C1QBP: variants seen among roughly 807,000 people sequenced by gnomAD.
C1QBP encodes complement C1q binding protein.
A neutral mutation model predicts 29.4 loss-of-function variants in C1QBP; 24 were observed. The ratio of observed to expected loss-of-function variants is 0.82; its 90% CI spans 0.59 to 1.15. The LOEUF (loss-of-function observed/expected upper bound fraction) is 1.15. C1QBP is among the 50% of genes most tolerant of loss of function. The probability of loss-of-function intolerance (pLI) is 0.00; values close to 1 mark genes in which losing one functional copy is unlikely to be tolerated. For missense variants in C1QBP, 337 were observed against 355.8 expected (o/e 0.95, Z 0.43); for synonymous variants, 182 against 149.2 (o/e 1.22, Z -1.60).
chr17:5,436,149 A>G (rs2151677281), intron 2 of C1QBP, among the ~76,000 whole-genome samples: 1 of 151,018 alleles, frequency 6.6e-6, no homozygotes, highest in East Asian at 1.9e-4. Flanking sequence ...AGGCAGTCTG[A>G]GGTTGACAAA....
At chr17:5,437,903 C>G (rs750409315) in intron 2 of C1QBP, among the ~76,000 whole-genome samples, 1 of 152,204 alleles carries the variant, frequency 6.6e-6, no homozygotes, top group African/African-American at 2.4e-5. Context: ...CTTTTTTGCA[C>G]TACATTTTTG....
chr17:5,437,009 T>C (rs1270624517), intron 2 of C1QBP, among the ~76,000 whole-genome samples: 1 of 151,452 alleles, frequency 6.6e-6, no homozygotes, highest in African/African-American at 2.4e-5. Context: ...TCCGTGGGGT[T>C]GGGGGGGGAA....
intron 3 of C1QBP, chr17:5,434,020 A>G: frequency 1.9e-6 from 1 of 526,034 alleles, no homozygotes; most frequent in Admixed American, 3.2e-5. Flanking sequence ...CAATTAACTG[A>G]GTTTATATCA....
Position 5,433,133 on chromosome 17 carries a change from G to A in C1QBP, c.731C>T (p.Ala244Val), listed in dbSNP as rs115143985. ...AAAAGTGTTGTCCACCCCTCGGTCG[G>A]CAAGGAAATCCATTAGGTGGTCATA... is the stretch of plus-strand genomic sequence containing the variant. ...ALYDHLMDFL[A>V]DRGVDNTFAD... The change falls in exon 6 of 6, where the codon GCC becomes GTC. Residue 244 changes from alanine (A) to valine (V), a missense_variant. Ala to Val is a moderately conservative substitution (Grantham distance 64). Coordinates refer to ENST00000225698, the MANE Select transcript of C1QBP (RefSeq NM_001212.4). 4.3e-6 allele frequency: 7 copies of A among 1,614,024 alleles called. No individual in the cohort carries two copies. In the East Asian group the frequency reaches 1.6e-4, roughly 36 times the overall value.
chr17:5,435,716 G>A (rs1916249755), intron 2 of C1QBP, among the ~76,000 whole-genome samples: 2 of 151,958 alleles, frequency 1.3e-5, no homozygotes, highest in African/African-American at 2.4e-5. Flanking sequence ...ATGCAACTCT[G>A]GCAGGCACCA....
intron 3 of C1QBP, 121 bp downstream of exon 3, chr17:5,434,752 C>T: frequency 1.3e-6 from 1 of 795,848 alleles, no homozygotes; most frequent in Non-Finnish European, 2.0e-6. Flanking sequence ...AGGCGTGAGC[C>T]ATGCGACTGG....
At position 5,438,937 on chromosome 17, in the gene C1QBP, A is replaced by G; in HGVS notation, c.137T>C (p.Leu46Pro). Residue 46 changes from leucine to proline, a missense_variant, in exon 1 of 6, where the codon CTC (leucine) becomes CCC (proline). Physicochemically the swap from Leu to Pro is moderately conservative, Grantham distance 98. Coordinates refer to ENST00000225698, the MANE Select transcript of C1QBP (RefSeq NM_001212.4). Reference sequence around the variant, plus strand: ...CCGCTCGGAACCTGCGCGCACGCTGAGCAGCCCGAAGGGCCGGGTGCACAG... The same window carrying G: ...CCGCTCGGAACCTGCGCGCACGCTGGGCAGCCCGAAGGGCCGGGTGCACAG... ...PRLCTRPFGL[L>P]SVRAGSERRP... 1 of 1,529,912 alleles carries G rather than the reference A, an allele frequency of 6.5e-7. No homozygotes were observed. The highest frequency in any genetic ancestry group is 2.3e-4 in the Middle Eastern group (1 of 4,294). The allele number at this position is 1,529,912 out of a possible 1,614,324, so 94.8% of individuals were successfully genotyped here.
At chr17:5,438,381 G>A (rs1056351543) in intron 1 of C1QBP, 108 bp from the exon 2 acceptor site, 3 of 1,316,144 alleles carry the variant, frequency 2.3e-6, no homozygotes, top group African/African-American at 1.5e-5. Context: ...TAATCTCTCT[G>A]CTATTACGGT....
chr17:5,434,909 C>T lies in C1QBP; in HGVS notation c.441G>A (p.Glu147=). ...NSIPPTFDGE[E]EPSQGQKVEE... The stretch of plus-strand genomic sequence containing the variant: ...CAACCTTCTGCCCTTGCGAGGGTTC[C>T]TCCTCACCATCAAATGTTGGTGGGA... Residue 147 remains glutamate, a synonymous_variant, in exon 3 of 6, where the codon GAG becomes GAA. Transcript: ENST00000225698. 6.2e-7 allele frequency: 1 copy of T among 1,614,080 alleles called. No homozygotes were observed. Among genetic ancestry groups the T allele is most frequent in the Non-Finnish European group, 8.5e-7 (1 of 1,179,946 alleles).
rs1451550922 is a variant in C1QBP at position 5,439,127 on chromosome 17, G to T, written c.-54C>A. On this transcript the variant is annotated 5_prime_UTR_variant, in exon 1 of 6. Coordinates refer to ENST00000225698, the MANE Select transcript of C1QBP (RefSeq NM_001212.4). ...TGCAAAGGACAACCCAGGCCTAGGC[G>T]CCCCGCGACCTGAGGCGCCGCCGGA... 1 of 1,532,150 alleles carries T rather than the reference G, an allele frequency of 6.5e-7. No homozygotes were observed. The highest frequency in any genetic ancestry group is 8.8e-7 in the Non-Finnish European group (1 of 1,139,652). 94.9% of individuals were successfully genotyped at this position (1,532,150 alleles called of 1,614,324 possible).
At position 5,433,754 on chromosome 17, in the gene C1QBP, G is replaced by C; in HGVS notation, c.491C>G (p.Ser164Ter). The C allele has an allele frequency of 6.2e-7, 1 of 1,614,214 alleles. No individual in the cohort carries two copies. The highest frequency in any genetic ancestry group is 8.5e-7 in the Non-Finnish European group (1 of 1,180,020). Residue 164 changes from serine to a stop codon, truncating the protein, a stop_gained, in exon 4 of 6, where the codon TCA becomes TGA. Coordinates refer to ENST00000225698, the MANE Select transcript of C1QBP (RefSeq NM_001212.4). LOFTEE classifies it high-confidence loss of function. Reference sequence around the variant, plus strand: ...AACTTCAACCACGAAATTGGGAGTTGATGTCAGTTCAGGCTGGGGAAACAA... The same window carrying C: ...AACTTCAACCACGAAATTGGGAGTTCATGTCAGTTCAGGCTGGGGAAACAA... ...KVEEQEPELT[S>*]TPNFVVEVIK...
At position 5,433,314 on chromosome 17, in the gene C1QBP, G is replaced by A. The variant is rs1010874224; in HGVS notation, c.678C>T (p.Leu226=). 11 of 1,614,170 alleles carry A rather than the reference G, an allele frequency of 6.8e-6. No homozygotes were observed. Among genetic ancestry groups the A allele is most frequent in the Admixed American group, 1.7e-5 (1 of 60,014 alleles). ...TCACCCAGTCCAAGGAATCTGTGTT[G>A]AGTGTATAATTAGTATCCTTCCATT... ...ESEWKDTNYT[L]NTDSLDWALY... is the part of the protein sequence containing the mutation. The change falls in exon 5 of 6, where the codon CTC becomes CTT. Residue 226 remains leucine (L), a synonymous_variant. Transcript: ENST00000225698.
chr17:5,433,361 A>G lies in C1QBP; in HGVS notation c.631T>C (p.Phe211Leu). The G allele has an allele frequency of 6.2e-7, 1 of 1,614,130 alleles. No homozygotes were observed. The highest frequency in any genetic ancestry group is 8.5e-7 in the Non-Finnish European group (1 of 1,180,022). Residue 211 changes from phenylalanine to leucine, a missense_variant, in exon 5 of 6, where the codon TTT (phenylalanine) becomes CTT (leucine). By Grantham distance (22) the Phe-to-Leu change is conservative (BLOSUM62 0). Coordinates refer to ENST00000225698, the MANE Select transcript of C1QBP (RefSeq NM_001212.4). ...CATTCAGACTCGCCAGTGGACTGAA[A>G]GCTAACTTCCCTGATAGAGAAGATG... ...SDIFSIREVS[F>L]QSTGESEWKD...
At chr17:5,434,643 T>G (rs1477618893) in intron 3 of C1QBP, 5 of 299,878 alleles carry the variant, frequency 1.7e-5, no homozygotes, top group African/African-American at 8.6e-5. Context: ...AATTTTTGTA[T>G]TTTTAGTAGA....
At chr17:5,434,310 C>T (rs940389782) in intron 3 of C1QBP, among the ~76,000 whole-genome samples, 3 of 152,136 alleles carry the variant, frequency 2.0e-5, no homozygotes, top group African/African-American at 7.2e-5. Context: ...AGGTCATGAC[C>T]CAACACTGTA....
intron 2 of C1QBP, among the ~76,000 whole-genome samples, chr17:5,436,664 A>G (rs766945141): frequency 2.0e-5 from 3 of 151,720 alleles, no homozygotes; most frequent in Non-Finnish European, 1.5e-5. Context: ...AGTACTTACA[A>G]ATCATTAATT....
In C1QBP at chr17:5,438,906, C is replaced by G. The variant is rs767892148; in HGVS notation, c.168G>C (p.Pro56=). 31 of 1,539,302 alleles carry G rather than the reference C, an allele frequency of 2.0e-5. No individual in the cohort carries two copies. In the Middle Eastern group the frequency reaches 3.2e-3, roughly 159 times the overall value. Residue 56 remains proline (P), a synonymous_variant, in exon 1 of 6, where the codon CCG becomes CCC. Coordinates refer to ENST00000225698, the MANE Select transcript of C1QBP (RefSeq NM_001212.4). ...AGGGTCCGCGAGGCCGCAGGAGGCCCGGCCGCCGCTCGGAACCTGCGCGCA... is the reference window on the plus strand; with the variant it reads ...AGGGTCCGCGAGGCCGCAGGAGGCCGGGCCGCCGCTCGGAACCTGCGCGCA... The part of the protein sequence containing the change: ...LSVRAGSERR[P]GLLRPRGPCA...
At chr17:5,434,842 G>C (rs745927029) in intron 3 of C1QBP, 31 bp downstream of exon 3, 1 of 1,576,722 alleles carries the variant, frequency 6.3e-7, no homozygotes, top group Non-Finnish European at 8.7e-7. Context: ...TGTCAGAACT[G>C]AGGTAAAAGC....
At chr17:5,435,066 G>C in intron 2 of C1QBP, 100 bp from the exon 3 acceptor site, 2 of 1,061,782 alleles carry the variant, frequency 1.9e-6, no homozygotes, top group South Asian at 2.6e-5. Flanking sequence ...CAGTTAAAAA[G>C]GCGTATTGAA....
Sources: gnomAD v4.1 joint callset for allele counts (sites outside exome capture counted in the v4.1 genomes callset) on GRCh38, gnomAD v4.1.1 for gene constraint, MANE v1.5 for transcripts, NCBI Gene and HGNC (gene_info 2026-07-23, HGNC 2026-07-21) for gene names.